The following WDFY1 variants were observed in gnomAD, a reference collection of about 807,000 sequenced individuals.
The protein encoded by WDFY1 is WD repeat and FYVE domain containing 1.
Under a neutral mutation model 56.4 loss-of-function variants are expected in WDFY1, and 32 were observed. The ratio of observed to expected loss-of-function variants is 0.57; its 90% CI spans 0.43 to 0.76. WDFY1 has a LOEUF of 0.76. WDFY1 is among the 30% of genes least tolerant of loss of function. The probability of loss-of-function intolerance (pLI) is 0.00; values close to 1 mark genes in which losing one functional copy is unlikely to be tolerated. For missense variants in WDFY1, 480 were observed against 545.7 expected (o/e 0.88, Z 1.20); for synonymous variants, 192 against 197.3 (o/e 0.97, Z 0.23).
chr2:223,924,938 A>T (rs1341926427), intron 1 of WDFY1, among the ~76,000 whole-genome samples: 1 of 152,196 alleles, frequency 6.6e-6, no homozygotes, highest in African/African-American at 2.4e-5. Flanking sequence ...ACACCTGCCC[A>T]ATAATAATGA....
chr2:223,881,926 A>G lies in WDFY1; in HGVS notation c.1064+16T>C, dbSNP rs114813200. 1.7e-3 allele frequency: 2,710 copies of G among 1,612,640 alleles called. 40 individuals are homozygous for G. The African/African-American group carries it at 0.032, about 19-fold the overall frequency. ...TGTAATAAGAGGCAATGAGACAAAA[A>G]TATGCAAACACTCACTCTTCATCTT... On this transcript the variant is annotated intron_variant, in intron 10 of 11. Transcript: ENST00000233055.
chr2:223,935,195 G>C (rs774533836), intron 1 of WDFY1, among the ~76,000 whole-genome samples: 12 of 152,038 alleles, frequency 7.9e-5, no homozygotes, highest in African/African-American at 2.2e-4. Context: ...ATTAACCTTT[G>C]CAACTGGACT....
At chr2:223,887,247 C>T (rs1693187725) in intron 8 of WDFY1, among the ~76,000 whole-genome samples, 1 of 152,140 alleles carries the variant, frequency 6.6e-6, no homozygotes, top group Admixed American at 6.5e-5. Flanking sequence ...GGCTGTGCTG[C>T]CAATGGCACA....
At chr2:223,882,193 C>A (rs1479423155) in intron 9 of WDFY1, 121 bp from the exon 10 acceptor site, 8 of 1,284,612 alleles carry the variant, frequency 6.2e-6, no homozygotes, top group South Asian at 6.0e-5. Context: ...CGGCTCACTG[C>A]AACCTCTGGC....
intron 3 of WDFY1, among the ~76,000 whole-genome samples, chr2:223,907,935 C>A (rs566239113): frequency 6.6e-6 from 1 of 151,854 alleles, no homozygotes; most frequent in Admixed American, 6.6e-5. Context: ...TCTCTGCTCA[C>A]TGTAACCTCC....
chr2:223,918,430 C>T (rs1475786123), intron 1 of WDFY1, among the ~76,000 whole-genome samples: 1 of 151,976 alleles, frequency 6.6e-6, no homozygotes. Flanking sequence ...AGATCAAGAC[C>T]ATCTTGGCTA....
intron 1 of WDFY1, among the ~76,000 whole-genome samples, chr2:223,920,138 A>C (rs1373215521): frequency 6.6e-6 from 1 of 152,264 alleles, no homozygotes; most frequent in African/African-American, 2.4e-5. Context: ...AACTTGAAGA[A>C]ATATTTTCAA....
At chr2:223,912,759 A>C (rs1177108034) in intron 2 of WDFY1, among the ~76,000 whole-genome samples, 1 of 152,176 alleles carries the variant, frequency 6.6e-6, no homozygotes, top group African/African-American at 2.4e-5. Flanking sequence ...CTATGGCATA[A>C]GTGAGCATAT....
At chr2:223,900,264 T>C (rs1460341077) in intron 5 of WDFY1, among the ~76,000 whole-genome samples, 2 of 152,246 alleles carry the variant, frequency 1.3e-5, no homozygotes, top group East Asian at 1.9e-4. Flanking sequence ...AAAACGCTTA[T>C]GTAGCACATA....
In WDFY1 at chr2:223,877,102, C is replaced by G. The variant is rs1292311096; in HGVS notation, c.*1569G>C. 6.6e-6 allele frequency: 1 copy of G among 152,186 alleles called. No homozygotes were observed. The highest frequency in any genetic ancestry group is 1.5e-5 in the Non-Finnish European group (1 of 68,042). The allele number at this position is 152,186 out of a possible 1,614,324, so 9.4% of individuals were successfully genotyped here. The stretch of plus-strand genomic sequence containing the variant: ...AGACAAGTCTATGTTTAATGCAGAT[C>G]ATTCCAGTACATGATGTGCGTGACC... On this transcript the variant is annotated 3_prime_UTR_variant, in exon 12 of 12. Transcript: ENST00000233055.
chr2:223,938,800 C>T (rs1428261323), intron 1 of WDFY1, among the ~76,000 whole-genome samples: 2 of 151,614 alleles, frequency 1.3e-5, no homozygotes, highest in Non-Finnish European at 2.9e-5. Flanking sequence ...GTGAATGACC[C>T]CAGGTAAATA....
At chr2:223,918,126 AACTAACTGG>A (rs1432404409) in intron 1 of WDFY1, 116 bp from the exon 2 acceptor site, 1 of 996,588 alleles carries the variant, frequency 1.0e-6, no homozygotes, top group Non-Finnish European at 1.5e-6. Context: ...GACCTTATAA[AACTAACTGG>A]ACAAACTGGA....
intron 1 of WDFY1, among the ~76,000 whole-genome samples, chr2:223,922,921 A>G (rs1693909489): frequency 6.6e-6 from 1 of 152,258 alleles, no homozygotes; most frequent in Non-Finnish European, 1.5e-5. Context: ...TTCCTTTGGA[A>G]GACAAACATC....
At chr2:223,932,857 A>C (rs1219159129) in intron 1 of WDFY1, among the ~76,000 whole-genome samples, 1 of 117,258 alleles carries the variant, frequency 8.5e-6, no homozygotes, top group Non-Finnish European at 1.8e-5. Context: ...CAGTACCTCC[A>C]GGGGATACAG....
chr2:223,943,108 G>A (rs1689341095), intron 1 of WDFY1, among the ~76,000 whole-genome samples: 2 of 151,428 alleles, frequency 1.3e-5, no homozygotes, highest in South Asian at 4.2e-4. Context: ...TTGAACCTGG[G>A]AGGCGGAGGT....
chr2:223,922,343 T>C (rs983359796), intron 1 of WDFY1, among the ~76,000 whole-genome samples: 3 of 152,234 alleles, frequency 2.0e-5, no homozygotes, highest in Admixed American at 6.5e-5. Context: ...TATTCCATAT[T>C]ACTTAAATCA....
At chr2:223,917,612 C>T (rs1441257139) in intron 2 of WDFY1, among the ~76,000 whole-genome samples, 3 of 151,822 alleles carry the variant, frequency 2.0e-5, no homozygotes, top group Non-Finnish European at 2.9e-5. Flanking sequence ...CTCGCTCTGT[C>T]GCCCAGGCTG....
intron 6 of WDFY1, among the ~76,000 whole-genome samples, chr2:223,897,390 A>ATATATATATTTT (rs1461451983): frequency 7.9e-5 from 10 of 125,986 alleles, no homozygotes; most frequent in Non-Finnish European, 1.3e-4. Context: ...ATATATATAT[A>ATATATATATTTT]TTTTTTAAGA....
intron 9 of WDFY1, 28 bp downstream of exon 9, chr2:223,884,620 C>T (rs776230834): frequency 6.2e-7 from 1 of 1,605,426 alleles, no homozygotes; most frequent in African/African-American, 1.3e-5. Context: ...ACAATCAAGC[C>T]AGAGATGACT....
Sources: gnomAD v4.1 joint callset for allele counts (sites outside exome capture counted in the v4.1 genomes callset) on GRCh38, gnomAD v4.1.1 for gene constraint, MANE v1.5 for transcripts, NCBI Gene and HGNC (gene_info 2026-07-23, HGNC 2026-07-21) for gene names.